HARS1: variants seen among roughly 807,000 people sequenced by gnomAD.
HARS1 encodes the protein histidyl-tRNA synthetase 1, also known as histidine--tRNA ligase, cytoplasmic.
Under a neutral mutation model 63.6 loss-of-function variants are expected in HARS1, and 45 were observed. That is an observed-to-expected ratio of 0.71 (90% CI 0.56 to 0.91). HARS1 has a LOEUF of 0.91. Ranked by LOEUF, HARS1 falls within the 40% of genes least tolerant of loss-of-function variation. The probability of loss-of-function intolerance (pLI) is 0.00; values close to 1 mark genes in which losing one functional copy is unlikely to be tolerated. For synonymous variants in HARS1, 205 were observed against 247.1 expected (o/e 0.83, Z 1.60); for missense variants, 508 against 643.2 (o/e 0.79, Z 2.27).
chr5:140,682,386 C>G (rs1215584224), intron 3 of HARS1, among the ~76,000 whole-genome samples: 1 of 151,968 alleles, frequency 6.6e-6, no homozygotes, highest in East Asian at 1.9e-4. Flanking sequence ...AGGAAGAAGA[C>G]CAGAGTAGCA....
intron 3 of HARS1, among the ~76,000 whole-genome samples, chr5:140,680,113 A>G (rs920175580): frequency 9.9e-5 from 15 of 151,696 alleles, no homozygotes; most frequent in African/African-American, 3.6e-4. Context: ...TTTTCCTCTT[A>G]AAAATCTTTT....
chr5:140,683,260 G>A (rs1264385982), intron 2 of HARS1, 41 bp from the exon 3 acceptor site: 1 of 1,599,776 alleles, frequency 6.3e-7, no homozygotes, highest in Admixed American at 1.7e-5. Flanking sequence ...AATGAGGTTT[G>A]AAAACCAAGA....
intron 5 of HARS1, 79 bp downstream of exon 5, chr5:140,678,923 C>G (rs1758547000): frequency 6.9e-7 from 1 of 1,446,008 alleles, no homozygotes; most frequent in Non-Finnish European, 9.6e-7. Context: ...GCTCAGGACA[C>G]CGTGAGTACT....
At chr5:140,686,642 C>T (rs573821044) in intron 2 of HARS1, among the ~76,000 whole-genome samples, 2 of 151,304 alleles carry the variant, frequency 1.3e-5, no homozygotes, top group East Asian at 3.9e-4. Flanking sequence ...CACTCGTTGC[C>T]TAGGCTGGAG....
rs1461976080 is a variant in HARS1 at position 140,691,288 on chromosome 5, G to C, written c.17C>G (p.Ala6Gly). Residue 6 changes from alanine to glycine, a missense_variant, in exon 1 of 13, where the codon GCG becomes GGG. Coordinates refer to ENST00000504156, the MANE Select transcript of HARS1 (RefSeq NM_002109.6). The stretch of plus-strand genomic sequence containing the variant: ...CTGAAGTTTCACCAGCTCCTCCAGC[G>C]CCGCACGCTCTGCCATCCCGGCTGT... Reference protein sequence around the residue: MAERAALEELVKLQGE... With the variant: MAERAGLEELVKLQGE... 5 of 1,606,452 alleles carry C rather than the reference G, an allele frequency of 3.1e-6. No individual in the cohort carries two copies. Among genetic ancestry groups the C allele is most frequent in the East Asian group, 4.5e-5 (2 of 44,836 alleles).
Position 140,691,254 on chromosome 5 carries a change from G to A in HARS1, c.51C>T (p.Arg17=). The part of the protein sequence containing the change: ...LEELVKLQGE[R]VRGLKQQKAS... ...CCTTCTGCTGCTTGAGGCCTCGCAC[G>A]CGCTCTCCCTGAAGTTTCACCAGCT... is the stretch of plus-strand genomic sequence containing the variant. Residue 17 remains arginine (R), a synonymous_variant, in exon 1 of 13, where the codon CGC becomes CGT. Coordinates refer to ENST00000504156, the MANE Select transcript of HARS1 (RefSeq NM_002109.6). 1 of 1,608,436 alleles carries A rather than the reference G, an allele frequency of 6.2e-7. No homozygotes were observed. Among genetic ancestry groups the A allele is most frequent in the Non-Finnish European group, 8.5e-7 (1 of 1,179,426 alleles).
rs935406031 is a variant in HARS1 at position 140,676,115 on chromosome 5, A to G, written c.1194+539T>C. The G allele has an allele frequency of 1.3e-5, 2 of 152,830 alleles. No individual in the cohort carries two copies. The highest frequency in any genetic ancestry group is 2.9e-5 in the Non-Finnish European group (2 of 68,514). 9.5% of individuals were successfully genotyped at this position (152,830 alleles called of 1,614,324 possible). ...AGACACATGCTTCCCATTTAGAGAC[A>G]GTATTGCAGTGTGGTTAGTGGCAAG... On this transcript the variant is annotated intron_variant, in intron 10 of 12. Transcript: ENST00000504156. This position sits in a 1 kb window ranked among gnomAD's most constrained non-coding sequence, Gnocchi z 4.1.
At position 140,679,716 on chromosome 5, in the gene HARS1, A is replaced by G. The variant is rs961994512; in HGVS notation, c.396+72T>C. ...CCTCATATTTGATCCTACCTACTCTACCATTCTTAAACCTGAGCCAAGTGA... is the reference window on the plus strand; with the variant it reads ...CCTCATATTTGATCCTACCTACTCTGCCATTCTTAAACCTGAGCCAAGTGA... On this transcript the variant is annotated intron_variant, in intron 4 of 12. Coordinates refer to ENST00000504156, the MANE Select transcript of HARS1 (RefSeq NM_002109.6). The surrounding 1 kb of genome is among the most constrained non-coding windows in gnomAD (Gnocchi z 4.3). The G allele has an allele frequency of 1.3e-6, 1 of 747,258 alleles. No homozygotes were observed. The highest frequency in any genetic ancestry group is 2.3e-6 in the Non-Finnish European group (1 of 425,692). The allele number at this position is 747,258 out of a possible 1,614,324, so 46.3% of individuals were successfully genotyped here. A position where few individuals can be genotyped will look rare whatever the true frequency, so the allele number is the denominator to read the frequency against.
Position 140,690,956 on chromosome 5 carries a change from A to C in HARS1, c.91-12T>G. 2.0e-6 allele frequency: 3 copies of C among 1,508,424 alleles called. No individual in the cohort carries two copies. The highest frequency in any genetic ancestry group is 2.8e-6 in the Non-Finnish European group (3 of 1,084,110). 93.4% of individuals were successfully genotyped at this position (1,508,424 alleles called of 1,614,324 possible). On this transcript the variant is annotated splice_polypyrimidine_tract_variant and intron_variant, in intron 1 of 12. Transcript: ENST00000504156. ...ACCTCCTCCTCGATCTGTGGAGGGA[A>C]AGAAGGCGCTGAGCTATCCATCTGT...
At chr5:140,674,933 C>T in intron 11 of HARS1, 84 bp downstream of exon 11, 1 of 1,478,658 alleles carries the variant, frequency 6.8e-7, no homozygotes, top group Non-Finnish European at 9.4e-7. Context: ...GAAGTAATGG[C>T]AGGATCCATT....
chr5:140,682,534 T>C (rs761935587), intron 3 of HARS1, among the ~76,000 whole-genome samples: 26 of 152,176 alleles, frequency 1.7e-4, no homozygotes, highest in Admixed American at 1.3e-4. Context: ...AAGCAGGTAG[T>C]AATGCAATCT....
chr5:140,677,849 G>A, intron 6 of HARS1, 59 bp downstream of exon 6: 1 of 1,393,254 alleles, frequency 7.2e-7, no homozygotes, highest in East Asian at 2.3e-5. Flanking sequence ...TCTGCACAAG[G>A]ATCTTCTCTT....
In HARS1 at chr5:140,690,877, T is replaced by A; in HGVS notation, c.158A>T (p.Lys53Ile). The A allele has an allele frequency of 6.2e-7, 1 of 1,603,658 alleles. No homozygotes were observed. Residue 53 changes from lysine to isoleucine, a missense_variant, in exon 2 of 13, where the codon AAA (lysine) becomes ATA (isoleucine). Lys to Ile is a moderately radical substitution (Grantham distance 102). Transcript: ENST00000504156. ...TACCTTGGGGGTTTTGAGCACAAAT[T>A]TCTGTTTGCTTTCATCAGGACCCAG... ...AQLGPDESKQ[K>I]FVLKTPKGTR... is the part of the protein sequence containing the mutation.
At position 140,690,886 on chromosome 5, in the gene HARS1, C is replaced by T. The variant is rs1759375841; in HGVS notation, c.149G>A (p.Ser50Asn). Residue 50 changes from serine (S) to asparagine (N), a missense_variant, in exon 2 of 13, where the codon AGC becomes AAC. Around this residue, in one of 2 missense-constraint regions of HARS1, gnomAD observed 105 missense variants for 94.5 expected, o/e 1.11. Transcript: ENST00000504156. ...KLKAQLGPDE[S>N]KQKFVLKTPK... ...GGTTTTGAGCACAAATTTCTGTTTG[C>T]TTTCATCAGGACCCAGCTGTGCCTT... 1.9e-6 allele frequency: 3 copies of T among 1,608,700 alleles called. No individual in the cohort carries two copies. The highest frequency in any genetic ancestry group is 2.6e-6 in the Non-Finnish European group (3 of 1,175,030).
At position 140,675,568 on chromosome 5, in the gene HARS1, A is replaced by T. The variant is rs73791747; in HGVS notation, c.1195-435T>A. On this transcript the variant is annotated intron_variant, in intron 10 of 12. Transcript: ENST00000504156. ...TCAGCTAATTTAAAAAAAAAAAAAA[A>T]TTTTTTTTTTTAATCTGTAGAGACA... is the stretch of plus-strand genomic sequence containing the variant. The T allele has an allele frequency of 4.2e-3, 466 of 112,196 alleles. 3 individuals are homozygous for T. The highest frequency in any genetic ancestry group is 0.016 in the African/African-American group (424 of 27,142). 7.0% of individuals were successfully genotyped at this position (112,196 alleles called of 1,614,324 possible). A position where few individuals can be genotyped will look rare whatever the true frequency, so the allele number is the denominator to read the frequency against.
At position 140,691,288 on chromosome 5, in the gene HARS1, G is replaced by A; in HGVS notation, c.17C>T (p.Ala6Val). The A allele has an allele frequency of 1.2e-6, 2 of 1,606,570 alleles. No individual in the cohort carries two copies. The highest frequency in any genetic ancestry group is 1.7e-6 in the Non-Finnish European group (2 of 1,178,996). The change falls in exon 1 of 13, where the codon GCG becomes GTG. Residue 6 changes from alanine to valine, a missense_variant. Around this residue, in one of 2 missense-constraint regions of HARS1, gnomAD observed 105 missense variants for 94.5 expected, o/e 1.11. Coordinates refer to ENST00000504156, the MANE Select transcript of HARS1 (RefSeq NM_002109.6). ...CTGAAGTTTCACCAGCTCCTCCAGCGCCGCACGCTCTGCCATCCCGGCTGT... is the reference window on the plus strand; with the variant it reads ...CTGAAGTTTCACCAGCTCCTCCAGCACCGCACGCTCTGCCATCCCGGCTGT... MAERA[A>V]LEELVKLQGE...
At chr5:140,677,786 T>G in intron 6 of HARS1, 33 bp from the exon 7 acceptor site, 182 of 1,277,192 alleles carry the variant, frequency 1.4e-4, no homozygotes, top group Non-Finnish European at 2.0e-4. Flanking sequence ...GAGGGGGGAA[T>G]CTCTTTTCTT....
intron 12 of HARS1, 81 bp from the exon 13 acceptor site, chr5:140,674,409 TA>T: frequency 9.8e-7 from 1 of 1,023,222 alleles, no homozygotes; most frequent in South Asian, 1.3e-5. Context: ...TCTAGCCCTC[TA>T]GGCATCAGGC....
intron 3 of HARS1, among the ~76,000 whole-genome samples, chr5:140,680,215 C>T (rs1376712121): frequency 6.6e-6 from 1 of 151,020 alleles, no homozygotes; most frequent in East Asian, 1.9e-4. Flanking sequence ...GGCGTGATCT[C>T]GGCTCACTGC....
Sources: allele counts gnomAD v4.1 joint callset (sites outside exome capture counted in the v4.1 genomes callset), GRCh38; gene constraint gnomAD v4.1.1; regional missense constraint gnomAD v4.1.1; non-coding constraint Gnocchi (gnomAD v3.1); transcripts MANE v1.5; gene names NCBI Gene and HGNC (gene_info 2026-07-23, HGNC 2026-07-21).